TLE1: variants seen among roughly 807,000 people sequenced by gnomAD.
The protein encoded by TLE1 is transducin-like enhancer protein 1.
Under a neutral mutation model 89.8 loss-of-function variants are expected in TLE1, and 21 were observed. The ratio of observed to expected loss-of-function variants is 0.23; its 90% CI spans 0.17 to 0.34. The LOEUF is 0.34. TLE1 is among the 10% of genes least tolerant of loss of function. The pLI is 1.00. For missense variants in TLE1, 795 were observed against 1,031.2 expected, an observed-to-expected ratio of 0.77 and a Z score of 3.14; for synonymous variants, 447 against 407.6, an observed-to-expected ratio of 1.10 and a Z score of -1.16.
intron 2 of TLE1, 53 bp from the exon 3 acceptor site, chr9:81,685,949 C>T (rs1834213775): frequency 1.9e-6 from 3 of 1,587,830 alleles, no homozygotes; most frequent in Non-Finnish European, 2.6e-6. Context: ...CTTGTTTTAA[C>T]ATCTGCCTCA....
chr9:81,683,458 G>A (rs372319030), intron 4 of TLE1, among the ~76,000 whole-genome samples: 38 of 152,030 alleles, frequency 2.5e-4, no homozygotes, highest in East Asian at 1.9e-3. Flanking sequence ...GTGATCAGGC[G>A]GCAAAAAGCA....
intron 14 of TLE1, chr9:81,600,247 G>T: frequency 1.7e-6 from 1 of 581,224 alleles, no homozygotes; most frequent in East Asian, 2.8e-5. Flanking sequence ...AGACAAAAAC[G>T]AGCATTATCC....
chr9:81,646,923 C>T (rs1338881833), intron 6 of TLE1, among the ~76,000 whole-genome samples: 1 of 152,042 alleles, frequency 6.6e-6, no homozygotes, highest in African/African-American at 2.4e-5. Flanking sequence ...AAACAGATTC[C>T]CATATAAGCC....
Position 81,592,234 on chromosome 9 carries a change from C to T in TLE1, c.1581+791G>A, listed in dbSNP as rs559176352. ...TTAGCCGGGCGTGGTGGTGGGCGCC[C>T]GTAGTCCCAGCTACTTGGGAGGCTG... On this transcript the variant is annotated intron_variant, in intron 15 of 19. Coordinates refer to ENST00000376499, the MANE Select transcript of TLE1 (RefSeq NM_005077.5). 9.9e-5 allele frequency among the ~76,000 whole-genome samples: 15 copies of T among 152,198 alleles called. No homozygotes were observed. In the South Asian group the frequency reaches 1.7e-3, roughly 17 times the overall value.
intron 14 of TLE1, among the ~76,000 whole-genome samples, chr9:81,596,521 A>G (rs560926784): frequency 3.3e-5 from 5 of 152,346 alleles, no homozygotes; most frequent in Admixed American, 1.3e-4. Context: ...AGGGCTCATC[A>G]TGACCATGGT....
intron 6 of TLE1, among the ~76,000 whole-genome samples, chr9:81,644,519 A>G (rs2132509973): frequency 6.6e-6 from 1 of 152,330 alleles, no homozygotes; most frequent in Admixed American, 6.5e-5. Flanking sequence ...AGGCAAATTC[A>G]TAGAGATGGA....
At chr9:81,662,493 C>A (rs1161635220) in intron 4 of TLE1, among the ~76,000 whole-genome samples, 1 of 151,252 alleles carries the variant, frequency 6.6e-6, no homozygotes. Flanking sequence ...GTCAGGAGTT[C>A]GAGACCATCC....
At chr9:81,653,314 G>A (rs914163809) in intron 5 of TLE1, among the ~76,000 whole-genome samples, 29 of 152,146 alleles carry the variant, frequency 1.9e-4, no homozygotes, top group Non-Finnish European at 3.8e-4. Context: ...CTTAGAACAC[G>A]TTACAGCATT....
chr9:81,687,892 G>A (rs1007910306), intron 1 of TLE1, among the ~76,000 whole-genome samples: 4 of 152,110 alleles, frequency 2.6e-5, no homozygotes, highest in Admixed American at 6.5e-5. Flanking sequence ...AAATAGGCGA[G>A]AGGAGAAACA....
chr9:81,683,626 T>C (rs1456586285), intron 4 of TLE1, among the ~76,000 whole-genome samples: 3 of 152,196 alleles, frequency 2.0e-5, no homozygotes, highest in East Asian at 1.9e-4. Flanking sequence ...AACTGAATTA[T>C]AGCACTACTT....
rs146821090 is a variant in TLE1 at position 81,636,685 on chromosome 9, T to C, written c.373-2384A>G. 7.3e-4 allele frequency among the ~76,000 whole-genome samples: 111 copies of C among 152,044 alleles called. 2 individuals carry two copies. Among genetic ancestry groups the C allele is most frequent in the African/African-American group, 2.6e-3 (108 of 41,490 alleles). On this transcript the variant is annotated intron_variant, in intron 6 of 19. Coordinates refer to ENST00000376499, the MANE Select transcript of TLE1 (RefSeq NM_005077.5). ...GATTCTTATGTCAGACCAAACATAC[T>C]CCGGTAATATTTAGATACTAACAAA...
At chr9:81,597,029 A>G (rs112650769) in intron 14 of TLE1, among the ~76,000 whole-genome samples, 9 of 152,328 alleles carry the variant, frequency 5.9e-5, no homozygotes, top group East Asian at 3.9e-4. Context: ...CAAGTGCCCA[A>G]ACTTTGCTGT....
intron 6 of TLE1, among the ~76,000 whole-genome samples, chr9:81,650,856 T>C (rs1829447610): frequency 6.6e-6 from 1 of 152,118 alleles, no homozygotes; most frequent in African/African-American, 2.4e-5. Flanking sequence ...AGGAAAAAGC[T>C]ATTAAAAGGA....
chr9:81,684,436 G>C (rs1834005760), intron 4 of TLE1, among the ~76,000 whole-genome samples: 1 of 152,276 alleles, frequency 6.6e-6, no homozygotes, highest in Non-Finnish European at 1.5e-5. Flanking sequence ...ACACAAATCT[G>C]AGAACAGATC....
In TLE1 at chr9:81,611,631, G is replaced by C; in HGVS notation, c.1254+138C>G. On this transcript the variant is annotated intron_variant, in intron 13 of 19. Transcript: ENST00000376499. ...GGTGAGTGTGTGGCTGGGAGACTGGGCGTCTTTGTCTCCGAGGTGTGTGGG... is the reference window on the plus strand; with the variant it reads ...GGTGAGTGTGTGGCTGGGAGACTGGCCGTCTTTGTCTCCGAGGTGTGTGGG... The C allele has an allele frequency of 3.8e-6, 3 of 783,472 alleles. No homozygotes were observed. In the South Asian group the frequency reaches 1.1e-4, roughly 30 times the overall value. The allele number at this position is 783,472 out of a possible 1,614,324, so 48.5% of individuals were successfully genotyped here. A position where few individuals can be genotyped will look rare whatever the true frequency, so the allele number is the denominator to read the frequency against.
chr9:81,659,243 A>C (rs1830490713), intron 4 of TLE1, among the ~76,000 whole-genome samples: 1 of 152,144 alleles, frequency 6.6e-6, no homozygotes. Context: ...TCTATTCTTG[A>C]TTGGAGTGTG....
intron 11 of TLE1, among the ~76,000 whole-genome samples, chr9:81,613,850 G>A (rs936797028): frequency 5.9e-5 from 9 of 151,504 alleles, no homozygotes; most frequent in Admixed American, 2.0e-4. Flanking sequence ...ATATTTCCCA[G>A]GCACTCAGAA....
At chr9:81,685,775 G>T (rs372260929) in intron 3 of TLE1, 55 bp from the exon 4 acceptor site, 8 of 1,611,496 alleles carry the variant, frequency 5.0e-6, no homozygotes, top group African/African-American at 2.7e-5. Context: ...TTTACACTCT[G>T]CTAACACGTT....
At chr9:81,601,092 T>C (rs1179347558) in intron 14 of TLE1, among the ~76,000 whole-genome samples, 1 of 152,182 alleles carries the variant, frequency 6.6e-6, no homozygotes, top group Non-Finnish European at 1.5e-5. Context: ...TCTGTTTCTC[T>C]GGAGAACCCA....
Sources: allele counts gnomAD v4.1 joint callset (sites outside exome capture counted in the v4.1 genomes callset), GRCh38; gene constraint gnomAD v4.1.1; transcripts MANE v1.5; gene names NCBI Gene and HGNC (gene_info 2026-07-23, HGNC 2026-07-21).